ZNF850: variants seen among roughly 807,000 people sequenced by gnomAD.
ZNF850 encodes the protein putative zinc finger protein ENSP00000330994.
Under a neutral mutation model 11.9 loss-of-function variants are expected in ZNF850, and 2 were observed. That is an observed-to-expected ratio of 0.17 (90% confidence interval 0.07 to 0.53). The LOEUF is 0.53. Among genes scored for constraint, ZNF850 ranks in the 20% least tolerant of loss-of-function variants. ZNF850 has a pLI of 0.94. For synonymous variants in ZNF850, 381 were observed against 443.0 expected, an observed-to-expected ratio of 0.86 and a Z score of 1.76; for missense variants, 1,014 against 1,316.4, an observed-to-expected ratio of 0.77 and a Z score of 3.55.
At chr19:36,767,151 C>T (rs1177496037) in intron 1 of ZNF850, among the ~76,000 whole-genome samples, 3 of 151,928 alleles carry the variant, frequency 2.0e-5, no homozygotes, top group South Asian at 2.1e-4. Context: ...GCAGGAGAAT[C>T]GCTTAAGCAT....
chr19:36,767,130 G>A (rs1330692250), intron 1 of ZNF850, among the ~76,000 whole-genome samples: 3 of 152,090 alleles, frequency 2.0e-5, no homozygotes, highest in Admixed American at 2.0e-4. Flanking sequence ...CCAGCTACTC[G>A]GGAGGCAGAG....
At position 36,749,387 on chromosome 19, in the gene ZNF850, A is replaced by G. The variant is rs187388403; in HGVS notation, c.1653T>C (p.His551=). The change falls in exon 5 of 5, where the codon CAT becomes CAC. Residue 551 remains histidine, a synonymous_variant. Coordinates refer to ENST00000591344, the MANE Select transcript of ZNF850 (RefSeq NM_001193552.2). ...GTTTCTCACCAGTGTGAACTGCCTG[A>G]TGTCCAATTAGCCCTGAGCGAAAAG... ...SFTFRSGLIG[H]QAVHTGEKPY... 2.4e-4 allele frequency: 377 copies of G among 1,548,656 alleles called. 1 individual carries two copies. In the Admixed American group the frequency reaches 2.6e-3, roughly 11 times the overall value.
Position 36,746,036 on chromosome 19 carries a change from C to G in ZNF850, c.*1731G>C, listed in dbSNP as rs1303088496. The G allele has an allele frequency of 2.0e-5, 3 of 152,162 alleles. No individual in the cohort carries two copies. The highest frequency in any genetic ancestry group is 4.4e-5 in the Non-Finnish European group (3 of 68,032). The allele number at this position is 152,162 out of a possible 1,614,324, so 9.4% of individuals were successfully genotyped here. On this transcript the variant is annotated 3_prime_UTR_variant, in exon 5 of 5. Transcript: ENST00000591344. Reference sequence around the variant, plus strand: ...GCTGACCTCATATCTCATCTTGTGACTTAGAATGACTTATCTGTCTAGGAA... The same window carrying G: ...GCTGACCTCATATCTCATCTTGTGAGTTAGAATGACTTATCTGTCTAGGAA...
intron 1 of ZNF850, among the ~76,000 whole-genome samples, chr19:36,765,710 G>A (rs563254044): frequency 1.4e-5 from 2 of 147,946 alleles, no homozygotes; most frequent in African/African-American, 2.5e-5. Context: ...TCAGCCTCCC[G>A]AGTAGCTGGG....
chr19:36,749,581 T>C lies in ZNF850; in HGVS notation c.1459A>G (p.Thr487Ala). 1.3e-6 allele frequency: 2 copies of C among 1,546,906 alleles called. No individual in the cohort carries two copies. Among genetic ancestry groups the C allele is most frequent in the East Asian group, 4.8e-5 (2 of 41,242 alleles). The change falls in exon 5 of 5, where the codon ACT becomes GCT. Residue 487 changes from threonine (T) to alanine (A), a missense_variant. By Grantham distance (58) the Thr-to-Ala change is moderately conservative. Transcript: ENST00000591344. ...TGTCGATTGCGTGTTGAGCGAAAAG[T>C]AAAAGATTTTCCACATTCCTTACAA... Reference protein sequence around the residue: ...YCCKECGKSFTFRSTRNRHQR... With the variant: ...YCCKECGKSFAFRSTRNRHQR...
Position 36,752,668 on chromosome 19 carries a change from G to A in ZNF850, c.236-1864C>T, listed in dbSNP as rs142789404. Among the ~76,000 whole-genome samples, 334 of 152,224 alleles carry A rather than the reference G, an allele frequency of 2.2e-3. 2 individuals carry two copies. Among genetic ancestry groups the A allele is most frequent in the African/African-American group, 7.8e-3 (325 of 41,540 alleles). On this transcript the variant is annotated intron_variant, in intron 4 of 4. Coordinates refer to ENST00000591344, the MANE Select transcript of ZNF850 (RefSeq NM_001193552.2). ...TAGTCTGTTTATAGGAAAGAAAGGA[G>A]TAAAGGGAGGAGAGCTAAATGTTAA...
Position 36,748,021 on chromosome 19 carries a change from T to C in ZNF850, c.3019A>G (p.Lys1007Glu). ...IRHQRTHTGE[K>E]PYDCKECGKA... ...CCACATTCCTTACAATCATAAGGTT[T>C]CTCACCAGTGTGAGTTCGCTGATGT... Residue 1007 changes from lysine to glutamate, a missense_variant, in exon 5 of 5, where the codon AAA becomes GAA. This residue lies in a region of ZNF850 where 179 missense variants were observed against 294.4 expected (regional missense o/e 0.61). Transcript: ENST00000591344. 1 of 1,591,592 alleles carries C rather than the reference T, an allele frequency of 6.3e-7. No individual in the cohort carries two copies. Among genetic ancestry groups the C allele is most frequent in the Non-Finnish European group, 8.5e-7 (1 of 1,171,240 alleles).
intron 1 of ZNF850, among the ~76,000 whole-genome samples, chr19:36,764,624 G>A (rs1190528519): frequency 4.0e-5 from 6 of 151,822 alleles, no homozygotes; most frequent in Admixed American, 1.3e-4. Flanking sequence ...CTCAAGATAC[G>A]CCAAAACTGT....
intron 1 of ZNF850, among the ~76,000 whole-genome samples, chr19:36,767,795 C>A (rs1319924027): frequency 6.0e-5 from 9 of 150,344 alleles, no homozygotes; most frequent in Admixed American, 5.9e-4. Context: ...TCCAAAAAAA[C>A]AAAAATGGAG....
In ZNF850 at chr19:36,746,024, C is replaced by T. The variant is rs2040409675; in HGVS notation, c.*1743G>A. On this transcript the variant is annotated 3_prime_UTR_variant, in exon 5 of 5. Coordinates refer to ENST00000591344, the MANE Select transcript of ZNF850 (RefSeq NM_001193552.2). ...CCTGTATCTTATGCTGACCTCATAT[C>T]TCATCTTGTGACTTAGAATGACTTA... 6.6e-6 allele frequency: 1 copy of T among 152,178 alleles called. No individual in the cohort carries two copies. The highest frequency in any genetic ancestry group is 2.1e-4 in the South Asian group (1 of 4,830). 9.4% of individuals were successfully genotyped at this position (152,178 alleles called of 1,614,324 possible). A position where few individuals can be genotyped will look rare whatever the true frequency, so the allele number is the denominator to read the frequency against.
chr19:36,770,387 C>T (rs541372591), intron 1 of ZNF850, among the ~76,000 whole-genome samples: 4 of 152,210 alleles, frequency 2.6e-5, no homozygotes, highest in East Asian at 1.9e-4. Flanking sequence ...CTGAAGCTTT[C>T]GGTCAATCAC....
chr19:36,755,212 C>T lies in ZNF850; in HGVS notation c.236-4408G>A, dbSNP rs369436733. 1.2e-3 allele frequency among the ~76,000 whole-genome samples: 178 copies of T among 152,180 alleles called. 1 individual carries two copies. Among genetic ancestry groups the T allele is most frequent in the Non-Finnish European group, 2.2e-3 (150 of 68,000 alleles). Reference sequence around the variant, plus strand: ...AAAGCTTATGGGTTAAAAATGGCATCATGCAAATTAAAAAATTCTTTTTCG... The same window carrying T: ...AAAGCTTATGGGTTAAAAATGGCATTATGCAAATTAAAAAATTCTTTTTCG... On this transcript the variant is annotated intron_variant, in intron 4 of 4. Coordinates refer to ENST00000591344, the MANE Select transcript of ZNF850 (RefSeq NM_001193552.2).
At chr19:36,765,061 G>A (rs1169226060) in intron 1 of ZNF850, among the ~76,000 whole-genome samples, 1 of 152,164 alleles carries the variant, frequency 6.6e-6, no homozygotes, top group East Asian at 1.9e-4. Context: ...TTGGAGCCAC[G>A]TGTACAGATG....
intron 4 of ZNF850, among the ~76,000 whole-genome samples, chr19:36,755,738 T>C (rs1600609219): frequency 6.9e-6 from 1 of 144,564 alleles, no homozygotes; most frequent in African/African-American, 2.6e-5. Flanking sequence ...TACAGGGAAA[T>C]GGGAAATCAC....
At position 36,762,402 on chromosome 19, in the gene ZNF850, T is replaced by A. The variant is rs1168948210; in HGVS notation, c.42A>T (p.Ile14=). 1.3e-6 allele frequency: 2 copies of A among 1,580,528 alleles called. No homozygotes were observed. Among genetic ancestry groups the A allele is most frequent in the Admixed American group, 3.6e-5 (2 of 56,302 alleles). The change falls in exon 3 of 5, where the codon ATA becomes ATT. Residue 14 remains isoleucine (I), a synonymous_variant. Transcript: ENST00000591344. ...EGLVMFQDLS[I]DFSQEEWECL... is the part of the protein sequence containing the mutation. Reference sequence around the variant, plus strand: ...ACTCCCATTCCTCCTGAGAGAAGTCTATAGACAGATCCTGGAACATGACCA... The same window carrying A: ...ACTCCCATTCCTCCTGAGAGAAGTCAATAGACAGATCCTGGAACATGACCA...
In ZNF850 at chr19:36,744,713, A is replaced by G. The variant is rs1022509402; in HGVS notation, c.*3054T>C. 1.3e-5 allele frequency: 2 copies of G among 152,228 alleles called. No homozygotes were observed. The highest frequency in any genetic ancestry group is 2.4e-5 in the African/African-American group (1 of 41,444). 9.4% of individuals were successfully genotyped at this position (152,228 alleles called of 1,614,324 possible). ...ATTTATGTTTAAATATCTCCAAGGA[A>G]GCAGTTACAAAAACATGGAGAATAA... On this transcript the variant is annotated 3_prime_UTR_variant, in exon 5 of 5. Coordinates refer to ENST00000591344, the MANE Select transcript of ZNF850 (RefSeq NM_001193552.2).
intron 1 of ZNF850, among the ~76,000 whole-genome samples, chr19:36,764,811 C>T (rs1304166691): frequency 6.7e-6 from 1 of 148,940 alleles, no homozygotes; most frequent in Non-Finnish European, 1.5e-5. Context: ...ACCTCAGCCT[C>T]CTTTAGCTGG....
At chr19:36,765,024 T>C (rs564256956) in intron 1 of ZNF850, among the ~76,000 whole-genome samples, 24 of 152,222 alleles carry the variant, frequency 1.6e-4, no homozygotes, top group African/African-American at 5.1e-4. Context: ...ATTAGGGTCA[T>C]ACTAGGAAAA....
rs1224611147 is a variant in ZNF850, at chr19:36,750,294, T to A, written c.746A>T (p.Asp249Val). ...HLIQHQKMYT[D>V]ERPHECQESV... ...TTCCTGACACTCATGAGGTCTCTCATCTGTATACATTTTCTGGTGTTGAAT... is the reference window on the plus strand; with the variant it reads ...TTCCTGACACTCATGAGGTCTCTCAACTGTATACATTTTCTGGTGTTGAAT... The change falls in exon 5 of 5, where the codon GAT (aspartate) becomes GTT (valine). Residue 249 changes from aspartate (D) to valine (V), a missense_variant. This residue lies in a region of ZNF850 where 835 missense variants were observed against 1,022.0 expected (regional missense o/e 0.82). Transcript: ENST00000591344. 2 of 1,536,652 alleles carry A rather than the reference T, an allele frequency of 1.3e-6. No individual in the cohort carries two copies. The highest frequency in any genetic ancestry group is 1.7e-6 in the Non-Finnish European group (2 of 1,146,910).
Sources: allele counts gnomAD v4.1 joint callset (sites outside exome capture counted in the v4.1 genomes callset), GRCh38; gene constraint gnomAD v4.1.1; regional missense constraint gnomAD v4.1.1; transcripts MANE v1.5; gene names NCBI Gene and HGNC (gene_info 2026-07-23, HGNC 2026-07-21).